The following PKIB variants were observed in gnomAD, a reference collection of about 807,000 sequenced individuals.
The protein encoded by PKIB is cAMP-dependent protein kinase inhibitor beta.
A neutral mutation model predicts 4.5 loss-of-function variants in PKIB; 2 were observed. The observed-to-expected ratio is 0.44, with a 90% CI of 0.18 to 1.39. The LOEUF (loss-of-function observed/expected upper bound fraction) is 1.39, where lower values mean the gene tolerates loss of function less well. Among genes scored for constraint, PKIB ranks in the 40% most tolerant of loss-of-function variants. PKIB has a pLI of 0.27. For synonymous variants in PKIB, 38 were observed against 36.0 expected, an observed-to-expected ratio of 1.06 and a Z score of -0.20; for missense variants, 94 against 92.6, an observed-to-expected ratio of 1.02 and a Z score of -0.06.
At position 122,610,494 on chromosome 6, in the gene PKIB, G is replaced by C. The variant is rs1361445010; in HGVS notation, c.-202G>C. 1 of 152,556 alleles carries C rather than the reference G, an allele frequency of 6.6e-6. No homozygotes were observed. The highest frequency in any genetic ancestry group is 2.4e-5 in the African/African-American group (1 of 41,482). The allele number at this position is 152,556 out of a possible 1,614,324, so 9.5% of individuals were successfully genotyped here. A position where few individuals can be genotyped will look rare whatever the true frequency, so the allele number is the denominator to read the frequency against. On this transcript the variant is annotated 5_prime_UTR_variant, in exon 1 of 5. Coordinates refer to ENST00000368452, the MANE Select transcript of PKIB (RefSeq NM_181795.3). ...GGGCCGCAGAGCGCTGGGCGAGCGC[G>C]AGCGCCAGGGCACCGGCAGGGCAGG...
chr6:122,551,480 C>T (rs1265365297), intron 2 of PKIB, among the ~76,000 whole-genome samples: 1 of 152,006 alleles, frequency 6.6e-6, no homozygotes, highest in Non-Finnish European at 1.5e-5. Context: ...GCAGTATTTT[C>T]TCTTATTTCT....
At chr6:122,590,595 T>C (rs1191679461) in intron 3 of PKIB, among the ~76,000 whole-genome samples, 3 of 152,328 alleles carry the variant, frequency 2.0e-5, no homozygotes, top group Non-Finnish European at 4.4e-5. Flanking sequence ...GATAGCCTTT[T>C]ATTAGTGTTC....
At chr6:122,711,316 A>T (rs1047892071) in intron 3 of PKIB, among the ~76,000 whole-genome samples, 2 of 152,144 alleles carry the variant, frequency 1.3e-5, no homozygotes, top group African/African-American at 4.8e-5. Flanking sequence ...AAGCAGCAGG[A>T]GGAATCATGG....
intron 2 of PKIB, among the ~76,000 whole-genome samples, chr6:122,505,403 C>CT (rs1562232291): frequency 6.6e-6 from 1 of 152,228 alleles, no homozygotes; most frequent in African/African-American, 2.4e-5. Flanking sequence ...ACATGTCCCC[C>CT]TTTTTTCTTT....
chr6:122,513,184 A>G (rs1319215410), intron 2 of PKIB, among the ~76,000 whole-genome samples: 1 of 152,188 alleles, frequency 6.6e-6, no homozygotes, highest in Non-Finnish European at 1.5e-5. Flanking sequence ...ATCCACTGCC[A>G]TGTGCATACA....
chr6:122,554,161 T>C (rs1350984005), intron 2 of PKIB, among the ~76,000 whole-genome samples: 1 of 152,214 alleles, frequency 6.6e-6, no homozygotes, highest in Non-Finnish European at 1.5e-5. Flanking sequence ...ATTTTGCTTA[T>C]ACACAAGGAC....
intron 3 of PKIB, among the ~76,000 whole-genome samples, chr6:122,588,636 A>C (rs1040342822): frequency 6.6e-6 from 1 of 152,168 alleles, no homozygotes; most frequent in African/African-American, 2.4e-5. Flanking sequence ...CACATTTTGC[A>C]GCCTTCGTGT....
intron 3 of PKIB, among the ~76,000 whole-genome samples, chr6:122,593,322 A>AT (rs1421251922): frequency 6.6e-6 from 1 of 152,152 alleles, no homozygotes; most frequent in Non-Finnish European, 1.5e-5. Context: ...TATGCTTTTT[A>AT]TTTTTTTGAA....
chr6:122,634,593 A>G (rs1419001216), intron 2 of PKIB, among the ~76,000 whole-genome samples: 1 of 152,130 alleles, frequency 6.6e-6, no homozygotes, highest in Non-Finnish European at 1.5e-5. Context: ...GGAAGCAGGA[A>G]GGAGTGGAAG....
At chr6:122,574,658 A>G (rs908371123) in intron 2 of PKIB, among the ~76,000 whole-genome samples, 4 of 151,382 alleles carry the variant, frequency 2.6e-5, no homozygotes, top group African/African-American at 9.6e-5. Flanking sequence ...CATAAACTGT[A>G]TATTCAATAA....
chr6:122,708,863 C>CTCAAA (rs1779161917), intron 3 of PKIB, among the ~76,000 whole-genome samples: 1 of 152,108 alleles, frequency 6.6e-6, no homozygotes, highest in South Asian at 2.1e-4. Flanking sequence ...AAACTCCTGA[C>CTCAAA]CTCAGGTGAT....
rs17677686 is a variant in PKIB, at chr6:122,725,427, A to G, written c.*232A>G. On this transcript the variant is annotated 3_prime_UTR_variant, in exon 5 of 5. Transcript: ENST00000368452. ...CAAATCGCACTGAAGGAAAAGGTTA[A>G]GAATAATACATGATCACAGAAATGC... 3,878 of 473,468 alleles carry G rather than the reference A, an allele frequency of 8.2e-3. 22 individuals carry two copies. The highest frequency in any genetic ancestry group is 0.011 in the Non-Finnish European group (2,883 of 260,308). 29.3% of individuals were successfully genotyped at this position (473,468 alleles called of 1,614,324 possible).
intron 3 of PKIB, among the ~76,000 whole-genome samples, chr6:122,705,230 A>G (rs1007223755): frequency 2.0e-5 from 3 of 152,176 alleles, no homozygotes; most frequent in South Asian, 2.1e-4. Context: ...TCATGGTTCA[A>G]TGACCACATT....
chr6:122,510,232 C>T (rs9401551), intron 2 of PKIB, among the ~76,000 whole-genome samples: 21,357 of 151,886 alleles, frequency 0.14, 1,605 homozygotes, highest in East Asian at 0.26. Context: ...TTGTCTTTTG[C>T]AAAGATGAAT....
In PKIB at chr6:122,525,212, GTTAT is replaced by G. The variant is rs772171263; in HGVS notation, c.-248+47277_-248+47280del. Reference sequence around the variant, plus strand: ...TTGTTACTTCTTCTTTGACCCATAGGTTATTTAAGAGTCCACTGTTTAGCTTTCA... The same window carrying G: ...TTGTTACTTCTTCTTTGACCCATAGGTTAAGAGTCCACTGTTTAGCTTTCA... On this transcript the variant is annotated intron_variant, in intron 2 of 6. Coordinates refer to the PKIB transcript ENST00000392491. 4.0e-5 allele frequency among the ~76,000 whole-genome samples: 6 copies of G among 151,846 alleles called. No homozygotes were observed. The South Asian group carries it at 8.3e-4, about 21-fold the overall frequency.
chr6:122,581,149 C>T (rs1253851753), intron 2 of PKIB, among the ~76,000 whole-genome samples: 1 of 152,172 alleles, frequency 6.6e-6, no homozygotes. Context: ...AAAAATTTAA[C>T]TACTGCGTCA....
At chr6:122,643,688 A>T (rs562675841) in intron 2 of PKIB, 5 of 152,232 alleles carry the variant, frequency 3.3e-5, no homozygotes, top group African/African-American at 4.8e-5. Context: ...CCTTGTAAAT[A>T]GCATAGAAAT....
chr6:122,501,710 C>A (rs1156851696), intron 2 of PKIB, among the ~76,000 whole-genome samples: 1 of 152,144 alleles, frequency 6.6e-6, no homozygotes, highest in African/African-American at 2.4e-5. Context: ...AAGGGGCTAC[C>A]AGGAACGTCT....
intron 2 of PKIB, among the ~76,000 whole-genome samples, chr6:122,663,571 A>T (rs567414271): frequency 9.9e-5 from 15 of 152,244 alleles, no homozygotes; most frequent in African/African-American, 3.4e-4. Context: ...AGAGGGGAGG[A>T]TCCTTCTTGC....
Sources: gnomAD v4.1 joint callset for allele counts (sites outside exome capture counted in the v4.1 genomes callset) on GRCh38, gnomAD v4.1.1 for gene constraint, MANE v1.5 for transcripts, NCBI Gene and HGNC (gene_info 2026-07-23, HGNC 2026-07-21) for gene names.